The following RFTN2 variants were observed in gnomAD, a reference collection of about 807,000 sequenced individuals.
RFTN2 encodes the protein raftlin family member 2.
RFTN2 carries 34 observed loss-of-function variants against 52.7 expected under a neutral mutation model. The ratio of observed to expected loss-of-function variants is 0.64; its 90% CI spans 0.49 to 0.86. The LOEUF is 0.86. Ranked by LOEUF, RFTN2 falls within the 40% of genes least tolerant of loss-of-function variation. RFTN2 has a pLI of 0.00. For missense variants in RFTN2, 536 were observed against 600.1 expected (o/e 0.89, Z 1.12); for synonymous variants, 203 against 217.7 (o/e 0.93, Z 0.59).
At chr2:197,613,271 T>A (rs973102627) in intron 7 of RFTN2, among the ~76,000 whole-genome samples, 2 of 152,228 alleles carry the variant, frequency 1.3e-5, no homozygotes, top group Admixed American at 6.5e-5. Flanking sequence ...TAGCTTAATA[T>A]GCCCAGGCCC....
chr2:197,587,578 C>T (rs897296952), intron 8 of RFTN2, among the ~76,000 whole-genome samples: 1 of 151,696 alleles, frequency 6.6e-6, no homozygotes, highest in African/African-American at 2.4e-5. Context: ...TTTTCCACTA[C>T]CTACCCAAAT....
intron 6 of RFTN2, among the ~76,000 whole-genome samples, chr2:197,617,473 A>G (rs2088163996): frequency 6.6e-6 from 1 of 152,066 alleles, no homozygotes; most frequent in African/African-American, 2.4e-5. Context: ...TGTAAAATAA[A>G]ATATATATAG....
intron 7 of RFTN2, among the ~76,000 whole-genome samples, chr2:197,609,884 C>T (rs1474155783): frequency 1.3e-5 from 2 of 152,170 alleles, no homozygotes; most frequent in Admixed American, 6.5e-5. Context: ...AATCCTTTCC[C>T]CACTGCTTGT....
intron 6 of RFTN2, among the ~76,000 whole-genome samples, chr2:197,617,177 G>C (rs2088158660): frequency 6.6e-6 from 1 of 152,200 alleles, no homozygotes. Flanking sequence ...TAAAACACTA[G>C]TTGAGTGACC....
intron 1 of RFTN2, among the ~76,000 whole-genome samples, chr2:197,670,164 C>T (rs1343517465): frequency 2.6e-5 from 4 of 152,248 alleles, no homozygotes; most frequent in East Asian, 3.9e-4. Context: ...GCTGCTTTAG[C>T]GCTACAACAG....
At chr2:197,590,182 G>T (rs1249896657) in intron 8 of RFTN2, among the ~76,000 whole-genome samples, 1 of 152,076 alleles carries the variant, frequency 6.6e-6, no homozygotes, top group Middle Eastern at 3.2e-3. Flanking sequence ...TGAGATTACA[G>T]GTGTGAGCCA....
Position 197,572,041 on chromosome 2 carries a change from C to T in RFTN2, c.1473G>A (p.Gln491=), listed in dbSNP as rs2087325991. Residue 491 remains glutamine (Q), a synonymous_variant, in exon 9 of 9, where the codon CAG becomes CAA. Coordinates refer to ENST00000295049, the MANE Select transcript of RFTN2 (RefSeq NM_144629.3). The part of the protein sequence containing the change: ...LRELDDGQFD[Q]EDGVTQVTCM ...AAGTGACCTGAGTCACTCCATCTTC[C>T]TGATCAAACTGTCCGTCGTCTAATT... is the stretch of plus-strand genomic sequence containing the variant. 6.2e-7 allele frequency: 1 copy of T among 1,614,242 alleles called. No homozygotes were observed. The highest frequency in any genetic ancestry group is 8.5e-7 in the Non-Finnish European group (1 of 1,180,038).
At chr2:197,632,055 T>C (rs1312325683) in intron 4 of RFTN2, among the ~76,000 whole-genome samples, 1 of 152,168 alleles carries the variant, frequency 6.6e-6, no homozygotes, top group Non-Finnish European at 1.5e-5. Flanking sequence ...AATCTAAAGA[T>C]TGATAGTTAC....
chr2:197,652,282 G>T (rs2088836529), intron 1 of RFTN2, among the ~76,000 whole-genome samples: 1 of 152,126 alleles, frequency 6.6e-6, no homozygotes, highest in African/African-American at 2.4e-5. Flanking sequence ...GTAGCCTCTG[G>T]CAATATGAGG....
At chr2:197,576,334 A>G (rs953510817) in intron 8 of RFTN2, among the ~76,000 whole-genome samples, 1 of 152,020 alleles carries the variant, frequency 6.6e-6, no homozygotes, top group Non-Finnish European at 1.5e-5. Context: ...GGCCTTTAAG[A>G]GCTTATTTAA....
intron 3 of RFTN2, among the ~76,000 whole-genome samples, chr2:197,640,003 G>T (rs1329719952): frequency 2.0e-5 from 3 of 152,198 alleles, no homozygotes; most frequent in Non-Finnish European, 4.4e-5. Flanking sequence ...CCTGCCGTGT[G>T]AGATGTCAGT....
chr2:197,605,507 G>C (rs1230352249), intron 7 of RFTN2, among the ~76,000 whole-genome samples: 1 of 152,060 alleles, frequency 6.6e-6, no homozygotes, highest in Non-Finnish European at 1.5e-5. Flanking sequence ...GAGCCACCGC[G>C]CCTGGCCGAA....
In RFTN2 at chr2:197,595,990, C is replaced by G. The variant is rs763791435; in HGVS notation, c.1233+1G>C. Reference sequence around the variant, plus strand: ...GTTAATAAAGCATCAATTTTACTCACATCTGGTGTTTGAGCAGCTGAATTC... The same window carrying G: ...GTTAATAAAGCATCAATTTTACTCAGATCTGGTGTTTGAGCAGCTGAATTC... On this transcript the variant is annotated splice_donor_variant, in intron 8 of 8. Coordinates refer to ENST00000295049, the MANE Select transcript of RFTN2 (RefSeq NM_144629.3). LOFTEE classifies it high-confidence loss of function. 6.3e-7 allele frequency: 1 copy of G among 1,590,900 alleles called. No individual in the cohort carries two copies. Among genetic ancestry groups the G allele is most frequent in the Admixed American group, 1.7e-5 (1 of 59,782 alleles).
At chr2:197,624,082 A>G (rs2106222126) in intron 5 of RFTN2, among the ~76,000 whole-genome samples, 1 of 152,114 alleles carries the variant, frequency 6.6e-6, no homozygotes. Context: ...TACAGGTGTG[A>G]GCTACAGTGC....
At chr2:197,619,408 T>C (rs1231940052) in intron 5 of RFTN2, among the ~76,000 whole-genome samples, 1 of 152,260 alleles carries the variant, frequency 6.6e-6, no homozygotes, top group Non-Finnish European at 1.5e-5. Context: ...AGAGAAATTC[T>C]TCTGCCTTGG....
At chr2:197,670,640 A>C (rs1453362837) in intron 1 of RFTN2, among the ~76,000 whole-genome samples, 1 of 152,164 alleles carries the variant, frequency 6.6e-6, no homozygotes, top group South Asian at 2.1e-4. Flanking sequence ...GAGTCACTGC[A>C]CTTCAGCCTG....
Position 197,579,301 on chromosome 2 carries a change from T to G in RFTN2, c.1234-7021A>C, listed in dbSNP as rs974577446. ...AATTGCCCCCGACCCCTTCTCTCCA[T>G]GTCTCTACCCTCTCTTTTCTCTGGG... is the stretch of plus-strand genomic sequence containing the variant. On this transcript the variant is annotated intron_variant, in intron 8 of 8. Coordinates refer to ENST00000295049, the MANE Select transcript of RFTN2 (RefSeq NM_144629.3). Among the ~76,000 whole-genome samples the G allele has an allele frequency of 7.9e-5, 12 of 152,162 alleles. 1 individual carries two copies. Among genetic ancestry groups the G allele is most frequent in the African/African-American group, 2.7e-4 (11 of 41,432 alleles).
At chr2:197,618,878 C>T (rs1018254390) in intron 5 of RFTN2, among the ~76,000 whole-genome samples, 1 of 146,838 alleles carries the variant, frequency 6.8e-6, no homozygotes, top group Non-Finnish European at 1.5e-5. Context: ...AGTGAGGAGC[C>T]CCTCCGCCCA....
chr2:197,606,677 A>G (rs2087966678), intron 7 of RFTN2, among the ~76,000 whole-genome samples: 1 of 151,728 alleles, frequency 6.6e-6, no homozygotes, highest in Admixed American at 6.6e-5. Context: ...AAGGATATGA[A>G]CAGACACTTC....
Sources: allele counts gnomAD v4.1 joint callset (sites outside exome capture counted in the v4.1 genomes callset), GRCh38; gene constraint gnomAD v4.1.1; transcripts MANE v1.5; gene names NCBI Gene and HGNC (gene_info 2026-07-23, HGNC 2026-07-21).